Variants in TLN2 observed in about 807,000 individuals in gnomAD.
TLN2 encodes talin 2.
In TLN2, 118 loss-of-function variants were observed where a neutral mutation model predicts 294.7. The observed-to-expected ratio is 0.40, with a 90% CI of 0.34 to 0.47. The LOEUF (loss-of-function observed/expected upper bound fraction) is 0.47. Ranked by LOEUF, TLN2 falls within the 20% of genes least tolerant of loss-of-function variation. The probability of loss-of-function intolerance (pLI) is 0.84; values close to 1 mark genes in which losing one functional copy is unlikely to be tolerated. For synonymous variants in TLN2, 1,431 were observed against 1,304.5 expected, an observed-to-expected ratio of 1.10 and a Z score of -2.09; for missense variants, 3,083 against 3,282.2, an observed-to-expected ratio of 0.94 and a Z score of 1.48.
intron 3 of TLN2, chr15:62,640,351 G>C (rs891054954): frequency 1.1e-5 from 5 of 457,036 alleles, no homozygotes; most frequent in Non-Finnish European, 2.2e-5. Flanking sequence ...GGTCACGGTG[G>C]AGAGTGAGTG....
intron 26 of TLN2, among the ~76,000 whole-genome samples, 161 bp downstream of exon 26, chr15:62,722,648 A>C (rs780486825): frequency 5.9e-5 from 9 of 152,176 alleles, no homozygotes; most frequent in African/African-American, 1.4e-4. Flanking sequence ...CTTTTGTTGC[A>C]TTAAGCCACT....
chr15:62,546,325 G>T (rs2041992718), intron 1 of TLN2, among the ~76,000 whole-genome samples: 2 of 152,194 alleles, frequency 1.3e-5, no homozygotes, highest in African/African-American at 2.4e-5. Flanking sequence ...CTTCATCTGT[G>T]TTGGGTTCTT....
At chr15:62,756,111 A>G (rs573024526) in intron 37 of TLN2, among the ~76,000 whole-genome samples, 2 of 152,314 alleles carry the variant, frequency 1.3e-5, no homozygotes, top group Non-Finnish European at 2.9e-5. Context: ...TATCTGGACC[A>G]AGAGAGTAGG....
chr15:62,762,069 A>G (rs746946060), intron 38 of TLN2, among the ~76,000 whole-genome samples: 1 of 152,198 alleles, frequency 6.6e-6, no homozygotes, highest in Non-Finnish European at 1.5e-5. Context: ...GTCACACTCA[A>G]AAAATGCTAT....
intron 21 of TLN2, among the ~76,000 whole-genome samples, chr15:62,711,420 G>A (rs1233922991): frequency 1.3e-5 from 2 of 152,160 alleles, no homozygotes; most frequent in South Asian, 2.1e-4. Context: ...AGGCCAAATG[G>A]CACACATTGA....
chr15:62,452,829 C>T (rs938402485), intron 1 of TLN2, among the ~76,000 whole-genome samples: 1 of 152,110 alleles, frequency 6.6e-6, no homozygotes, highest in African/African-American at 2.4e-5. Context: ...CCCAGAGTGG[C>T]GGGGCCAGTG....
At chr15:62,515,699 G>C (rs1186527113) in intron 1 of TLN2, among the ~76,000 whole-genome samples, 1 of 151,622 alleles carries the variant, frequency 6.6e-6, no homozygotes, top group Non-Finnish European at 1.5e-5. Context: ...AGTGCCTTCT[G>C]TGCATGTTGG....
At chr15:62,463,926 A>G (rs2036962626) in intron 1 of TLN2, among the ~76,000 whole-genome samples, 1 of 152,184 alleles carries the variant, frequency 6.6e-6, no homozygotes, top group South Asian at 2.1e-4. Context: ...CCAGGAAACA[A>G]CAGATGCTGG....
intron 47 of TLN2, among the ~76,000 whole-genome samples, chr15:62,796,609 A>C (rs1596027252): frequency 6.6e-6 from 1 of 152,136 alleles, no homozygotes; most frequent in Non-Finnish European, 1.5e-5. Context: ...CAGGATTGGG[A>C]ATGGCAGGGG....
rs114210908 is a variant in TLN2, at chr15:62,495,290, T to G, written c.-237-94397T>G. 9.4e-3 allele frequency among the ~76,000 whole-genome samples: 1,437 copies of G among 152,302 alleles called. 28 individuals are homozygous for G. The highest frequency in any genetic ancestry group is 0.033 in the African/African-American group (1,372 of 41,570). On this transcript the variant is annotated intron_variant, in intron 1 of 58. Coordinates refer to ENST00000636159, the MANE Select transcript of TLN2 (RefSeq NM_015059.3). ...GTGGTAGGAATTGTAAGTTGCTGCT[T>G]CTTTTTGTTTTTGTTTTGAGTGATC...
intron 46 of TLN2, among the ~76,000 whole-genome samples, chr15:62,795,736 G>A (rs1010538847): frequency 3.7e-4 from 57 of 152,284 alleles, no homozygotes; most frequent in African/African-American, 1.3e-3. Flanking sequence ...CCTTTCTCCC[G>A]TTCTGTGGTT....
At chr15:62,566,824 A>G (rs1325155418) in intron 1 of TLN2, among the ~76,000 whole-genome samples, 1 of 151,690 alleles carries the variant, frequency 6.6e-6, no homozygotes, top group East Asian at 1.9e-4. Flanking sequence ...AAGCACTGGG[A>G]TTATAGGCAT....
chr15:62,551,431 G>A (rs1567087722), intron 1 of TLN2, among the ~76,000 whole-genome samples: 2 of 152,020 alleles, frequency 1.3e-5, no homozygotes, highest in South Asian at 4.1e-4. Flanking sequence ...CAGCACGTTG[G>A]GAGGCCGAGA....
At chr15:62,581,322 T>A (rs2045002473) in intron 1 of TLN2, among the ~76,000 whole-genome samples, 1 of 152,232 alleles carries the variant, frequency 6.6e-6, no homozygotes, top group African/African-American at 2.4e-5. Flanking sequence ...TTTTCATGAC[T>A]TGATAGCGCT....
intron 1 of TLN2, among the ~76,000 whole-genome samples, chr15:62,483,530 G>A (rs1340858740): frequency 6.6e-6 from 1 of 152,210 alleles, no homozygotes; most frequent in Non-Finnish European, 1.5e-5. Context: ...TTTTAAGTAT[G>A]TGAAATGCAA....
intron 36 of TLN2, chr15:62,754,956 A>G (rs937174353): frequency 6.6e-6 from 1 of 152,384 alleles, no homozygotes; most frequent in African/African-American, 2.4e-5. Flanking sequence ...CACTGGCTAC[A>G]TGTGGCTGTT....
chr15:62,433,094 G>C (rs1258686285), intron 1 of TLN2, among the ~76,000 whole-genome samples: 2 of 152,166 alleles, frequency 1.3e-5, no homozygotes, highest in African/African-American at 4.8e-5. Flanking sequence ...CCTAGGGAGA[G>C]GAACTGGGTG....
chr15:62,495,485 C>T (rs1256721845), intron 1 of TLN2, among the ~76,000 whole-genome samples: 1 of 152,146 alleles, frequency 6.6e-6, no homozygotes, highest in Non-Finnish European at 1.5e-5. Context: ...AGTGGGACCT[C>T]CCTGTTGAAA....
At chr15:62,768,182 C>T (rs1284558485) in intron 41 of TLN2, among the ~76,000 whole-genome samples, 1 of 152,186 alleles carries the variant, frequency 6.6e-6, no homozygotes, top group African/African-American at 2.4e-5. Flanking sequence ...AGTTCTCAGA[C>T]CCCAACTGTG....
Sources: allele counts gnomAD v4.1 joint callset (sites outside exome capture counted in the v4.1 genomes callset), GRCh38; gene constraint gnomAD v4.1.1; transcripts MANE v1.5; gene names NCBI Gene and HGNC (gene_info 2026-07-23, HGNC 2026-07-21).